MIPOL1: variants seen among roughly 807,000 people sequenced by gnomAD.
MIPOL1 encodes mirror-image polydactyly gene 1 protein.
A neutral mutation model predicts 60.9 loss-of-function variants in MIPOL1; 57 were observed. The ratio of observed to expected loss-of-function variants is 0.94; its 90% CI spans 0.76 to 1.17. The LOEUF is 1.17. Ranked by LOEUF, MIPOL1 falls within the 50% of genes most tolerant of loss-of-function variation. MIPOL1 has a pLI of 0.00. For missense variants in MIPOL1, 551 were observed against 511.6 expected (o/e 1.08, Z -0.74); for synonymous variants, 179 against 168.8 (o/e 1.06, Z -0.47).
chr14:37,268,824 G>C (rs750019022), intron 5 of MIPOL1, 31 bp downstream of exon 5: 4 of 1,487,120 alleles, frequency 2.7e-6, no homozygotes, highest in South Asian at 1.3e-5. Flanking sequence ...TAATTGTATA[G>C]TATGGGTTTA....
intron 12 of MIPOL1, among the ~76,000 whole-genome samples, chr14:37,534,290 A>C (rs1003522161): frequency 6.6e-6 from 1 of 152,140 alleles, no homozygotes; most frequent in African/African-American, 2.4e-5. Context: ...AAAGTGAGAG[A>C]AATCTGTTCT....
At chr14:37,431,003 C>T (rs2094054230) in intron 11 of MIPOL1, among the ~76,000 whole-genome samples, 1 of 152,168 alleles carries the variant, frequency 6.6e-6, no homozygotes, top group Non-Finnish European at 1.5e-5. Flanking sequence ...GACTCAACCT[C>T]CTTTTAAGAG....
At chr14:37,350,503 C>A (rs1006220407) in intron 9 of MIPOL1, among the ~76,000 whole-genome samples, 2 of 151,318 alleles carry the variant, frequency 1.3e-5, no homozygotes, top group African/African-American at 2.4e-5. Flanking sequence ...TTGTAAGGTA[C>A]ATGAAGTGTT....
At chr14:37,491,488 C>T (rs956585265) in intron 11 of MIPOL1, among the ~76,000 whole-genome samples, 2 of 152,104 alleles carry the variant, frequency 1.3e-5, no homozygotes, top group Admixed American at 6.6e-5. Context: ...GAGATCATGC[C>T]ACTGCACTCC....
chr14:37,287,237 A>T (rs1433029653), intron 7 of MIPOL1, among the ~76,000 whole-genome samples: 1 of 150,826 alleles, frequency 6.6e-6, no homozygotes, highest in East Asian at 1.9e-4. Context: ...AAAAATATAT[A>T]TATATGTATG....
intron 3 of MIPOL1, among the ~76,000 whole-genome samples, chr14:37,264,520 C>T (rs999417456): frequency 2.6e-5 from 4 of 151,300 alleles, no homozygotes; most frequent in Non-Finnish European, 4.4e-5. Flanking sequence ...CTCAACTATT[C>T]GGGGGGCTGA....
intron 9 of MIPOL1, among the ~76,000 whole-genome samples, chr14:37,366,225 G>A (rs1190208710): frequency 6.6e-6 from 1 of 151,064 alleles, no homozygotes; most frequent in African/African-American, 2.4e-5. Context: ...TTCTTTTCTA[G>A]TTCTTTAAGA....
At chr14:37,324,709 T>G (rs1288334858) in intron 9 of MIPOL1, among the ~76,000 whole-genome samples, 1 of 152,136 alleles carries the variant, frequency 6.6e-6, no homozygotes. Context: ...TGATTTATTT[T>G]GAGTTACTTA....
chr14:37,375,508 C>T (rs756037544), intron 10 of MIPOL1, among the ~76,000 whole-genome samples: 1 of 152,054 alleles, frequency 6.6e-6, no homozygotes, highest in Non-Finnish European at 1.5e-5. Flanking sequence ...ATTAATTTAC[C>T]TTCCTACTCA....
In MIPOL1 at chr14:37,549,942, C is replaced by T. The variant is rs1167029767; in HGVS notation, c.*2971C>T. 1.3e-5 allele frequency: 2 copies of T among 151,870 alleles called. No individual in the cohort carries two copies. Among genetic ancestry groups the T allele is most frequent in the Non-Finnish European group, 2.9e-5 (2 of 67,826 alleles). The allele number at this position is 151,870 out of a possible 1,614,324, so 9.4% of individuals were successfully genotyped here. A position where few individuals can be genotyped will look rare whatever the true frequency, so the allele number is the denominator to read the frequency against. ...ATGGTAGTCTAAACTTCAAGGCTTG[C>T]TCTATCTCCTAGAGCAATTTAGAGC... On this transcript the variant is annotated 3_prime_UTR_variant, in exon 13 of 13. Coordinates refer to ENST00000684589, the MANE Select transcript of MIPOL1 (RefSeq NM_001388067.1).
At chr14:37,342,788 T>C (rs1279866524) in intron 9 of MIPOL1, among the ~76,000 whole-genome samples, 1 of 152,146 alleles carries the variant, frequency 6.6e-6, no homozygotes, top group African/African-American at 2.4e-5. Context: ...ATAGCACAGC[T>C]TACTAAATAA....
intron 10 of MIPOL1, among the ~76,000 whole-genome samples, chr14:37,416,022 C>G (rs1180042633): frequency 6.6e-6 from 1 of 152,018 alleles, no homozygotes; most frequent in Admixed American, 6.6e-5. Flanking sequence ...TTCCTCTCTT[C>G]TAAAACAATA....
At chr14:37,369,330 T>A (rs559991515) in intron 9 of MIPOL1, among the ~76,000 whole-genome samples, 187 bp from the exon 10 acceptor site, 111 of 152,212 alleles carry the variant, frequency 7.3e-4, no homozygotes, top group African/African-American at 2.6e-3. Context: ...ATAATTGAAT[T>A]TTTAGAATAC....
chr14:37,284,565 G>A (rs921383461), intron 6 of MIPOL1, among the ~76,000 whole-genome samples: 1 of 151,748 alleles, frequency 6.6e-6, no homozygotes, highest in Non-Finnish European at 1.5e-5. Context: ...GGATGGTCTC[G>A]ATCTCCTGAC....
chr14:37,474,019 G>A lies in MIPOL1; in HGVS notation c.1032-25889G>A, dbSNP rs560219677. ...AATGTCATATTGTTGGAATCACACA[G>A]TATGTAGCCTTTTGAGACTGTCTTC... On this transcript the variant is annotated intron_variant, in intron 11 of 12. Coordinates refer to ENST00000684589, the MANE Select transcript of MIPOL1 (RefSeq NM_001388067.1). 6.1e-4 allele frequency among the ~76,000 whole-genome samples: 93 copies of A among 152,246 alleles called. No individual in the cohort carries two copies. The Middle Eastern group carries it at 0.031, about 50-fold the overall frequency.
At chr14:37,254,545 C>T (rs1188273246) in intron 3 of MIPOL1, among the ~76,000 whole-genome samples, 2 of 151,700 alleles carry the variant, frequency 1.3e-5, no homozygotes, top group Non-Finnish European at 3.0e-5. Context: ...TACATCCCTA[C>T]CCCCACAAAC....
chr14:37,400,880 G>A (rs2093468722), intron 10 of MIPOL1: 1 of 152,088 alleles, frequency 6.6e-6, no homozygotes. Context: ...TAGCCTTGAG[G>A]AACCATATGT....
intron 11 of MIPOL1, among the ~76,000 whole-genome samples, chr14:37,486,851 C>T (rs2094954763): frequency 6.6e-6 from 1 of 152,102 alleles, no homozygotes; most frequent in Admixed American, 6.6e-5. Context: ...GCTAGAACTT[C>T]CAATAACACC....
At chr14:37,365,655 G>T (rs983300431) in intron 9 of MIPOL1, among the ~76,000 whole-genome samples, 5 of 152,002 alleles carry the variant, frequency 3.3e-5, no homozygotes, top group Non-Finnish European at 7.4e-5. Context: ...CAGAGATATT[G>T]GCCTACAGTT....
Sources: allele counts gnomAD v4.1 joint callset (sites outside exome capture counted in the v4.1 genomes callset), GRCh38; gene constraint gnomAD v4.1.1; transcripts MANE v1.5; gene names NCBI Gene and HGNC (gene_info 2026-07-23, HGNC 2026-07-21).